Variants in WRNIP1 observed in about 807,000 individuals in gnomAD.
WRNIP1 encodes the protein WRN helicase interacting protein 1, also known as ATPase WRNIP1.
A neutral mutation model predicts 56.1 loss-of-function variants in WRNIP1; 41 were observed. The observed-to-expected ratio is 0.73, with a 90% CI of 0.57 to 0.95. The LOEUF (loss-of-function observed/expected upper bound fraction) is 0.95. Ranked by LOEUF, WRNIP1 falls within the 40% of genes least tolerant of loss-of-function variation. The pLI, the probability that WRNIP1 is intolerant of heterozygous loss-of-function variation, is 0.00. For missense variants in WRNIP1, 1,170 were observed against 939.4 expected (o/e 1.25, Z -3.21); for synonymous variants, 547 against 398.1 (o/e 1.37, Z -4.45).
In WRNIP1 at chr6:2,775,601, TC is replaced by T. The variant is rs552554528; in HGVS notation, c.1257-3660del. Among the ~76,000 whole-genome samples, 3 of 152,348 alleles carry T rather than the reference TC, an allele frequency of 2.0e-5. No homozygotes were observed. The East Asian group carries it at 5.8e-4, about 29-fold the overall frequency. ...CTGCACTCCTTCTCCAACTTACATA[TC>T]CAGCTGTCTAAGTAGTATCCTCCAA... On this transcript the variant is annotated intron_variant, in intron 3 of 6. Coordinates refer to ENST00000380773, the MANE Select transcript of WRNIP1 (RefSeq NM_020135.3).
chr6:2,771,868 C>T (rs1765292219), intron 3 of WRNIP1, among the ~76,000 whole-genome samples: 1 of 152,190 alleles, frequency 6.6e-6, no homozygotes, highest in South Asian at 2.1e-4. Flanking sequence ...TTTCATGTTT[C>T]TGTGTGTTCT....
At chr6:2,769,728 T>C (rs897862797) in intron 2 of WRNIP1, among the ~76,000 whole-genome samples, 6 of 152,210 alleles carry the variant, frequency 3.9e-5, no homozygotes, top group Non-Finnish European at 5.9e-5. Flanking sequence ...AAGAAGATTC[T>C]GGAAGTGTTA....
At chr6:2,773,493 T>C in intron 3 of WRNIP1, 1 of 985,448 alleles carries the variant, frequency 1.0e-6, no homozygotes. Context: ...GTCTACGCCA[T>C]AGTTGCTTTG....
chr6:2,774,291 A>C (rs1765382229), intron 3 of WRNIP1: 9 of 985,330 alleles, frequency 9.1e-6, no homozygotes, highest in Non-Finnish European at 9.6e-6. Flanking sequence ...TGGCTGCTGT[A>C]ACAATTGCCA....
At position 2,783,478 on chromosome 6, in the gene WRNIP1, ACTGG is replaced by A; in HGVS notation, c.1566_1569del (p.Arg524CysfsTer23). 1 of 1,613,648 alleles carries A rather than the reference ACTGG, an allele frequency of 6.2e-7. No homozygotes were observed. The highest frequency in any genetic ancestry group is 8.5e-7 in the Non-Finnish European group (1 of 1,179,860). On this transcript the variant is annotated frameshift_variant, in exon 5 of 7. Coordinates refer to ENST00000380773, the MANE Select transcript of WRNIP1 (RefSeq NM_020135.3). LOFTEE classifies it high-confidence loss of function. ...GGCTCAGACCAGAACGCCTCCCTCT[ACTGG>A]CTGGCTCGCATGCTCGAGGGAGGAG...
intron 3 of WRNIP1, chr6:2,773,298 A>G (rs752753080): frequency 1.0e-6 from 1 of 985,440 alleles, no homozygotes; most frequent in Non-Finnish European, 1.2e-6. Context: ...GAGGGAGCGC[A>G]GTATGATGAA....
intron 4 of WRNIP1, among the ~76,000 whole-genome samples, chr6:2,782,534 C>A (rs138721092): frequency 1.5e-4 from 23 of 152,308 alleles, no homozygotes; most frequent in African/African-American, 5.1e-4. Context: ...TGAGCACAGA[C>A]CAGGTGCTCC....
chr6:2,770,396 C>T (rs760523880), intron 3 of WRNIP1, 35 bp downstream of exon 3: 2 of 1,611,766 alleles, frequency 1.2e-6, no homozygotes, highest in South Asian at 1.1e-5. Context: ...TGGGGGCACA[C>T]ACCTCCCAGA....
chr6:2,773,407 C>T, intron 3 of WRNIP1: 1 of 985,376 alleles, frequency 1.0e-6, no homozygotes, highest in Non-Finnish European at 1.2e-6. Flanking sequence ...CAGTATTTCA[C>T]CTCCTAGATG....
chr6:2,766,080 C>G lies in WRNIP1; in HGVS notation c.458C>G (p.Ser153Cys), dbSNP rs1338497246. ...PAAAAAAGSASPRSWDEAEAQ... is the reference protein window; with the variant it reads ...PAAAAAAGSACPRSWDEAEAQ... ...GCCGCCGCCGCGGCGGGGAGCGCGT[C>G]TCCGCGCAGCTGGGACGAGGCGGAG... Residue 153 changes from serine to cysteine, a missense_variant, in exon 1 of 7, where the codon TCT becomes TGT. Transcript: ENST00000380773. The G allele has an allele frequency of 7.7e-7, 1 of 1,299,662 alleles. No homozygotes were observed. The highest frequency in any genetic ancestry group is 1.5e-5 in the African/African-American group (1 of 64,558). 80.5% of individuals were successfully genotyped at this position (1,299,662 alleles called of 1,614,324 possible). A position where few individuals can be genotyped will look rare whatever the true frequency, so the allele number is the denominator to read the frequency against.
Position 2,766,300 on chromosome 6 carries a change from G to A in WRNIP1, c.678G>A (p.Pro226=), listed in dbSNP as rs1353387030. 1.5e-5 allele frequency: 24 copies of A among 1,607,400 alleles called. No homozygotes were observed. Among genetic ancestry groups the A allele is most frequent in the East Asian group, 9.0e-5 (4 of 44,500 alleles). The change falls in exon 1 of 7, where the codon CCG becomes CCA. Residue 226 remains proline, a synonymous_variant. Coordinates refer to ENST00000380773, the MANE Select transcript of WRNIP1 (RefSeq NM_020135.3). ...TCCGACAGATGCTACAGGGCAAGCC[G>A]CTGGCCGACACGATGCGTCCTGACA... The part of the protein sequence containing the change: ...EEIRQMLQGK[P]LADTMRPDTL...
At chr6:2,781,693 G>A (rs535718203) in intron 4 of WRNIP1, among the ~76,000 whole-genome samples, 8 of 152,292 alleles carry the variant, frequency 5.3e-5, no homozygotes, top group South Asian at 2.1e-4. Context: ...TATAGAAGTC[G>A]TCAGATTTCA....
At chr6:2,779,768 G>C (rs1223693722) in intron 4 of WRNIP1, among the ~76,000 whole-genome samples, 1 of 152,218 alleles carries the variant, frequency 6.6e-6, no homozygotes, top group Non-Finnish European at 1.5e-5. Context: ...AAGGTAGTTG[G>C]CTATTCCCCA....
intron 3 of WRNIP1, chr6:2,773,096 C>G (rs1765347148): frequency 2.0e-6 from 2 of 985,282 alleles, no homozygotes; most frequent in African/African-American, 3.5e-5. Context: ...CTTAGCCGTT[C>G]TTGATTGCAC....
intron 3 of WRNIP1, among the ~76,000 whole-genome samples, chr6:2,777,164 T>C (rs1765451813): frequency 2.0e-5 from 3 of 152,228 alleles, no homozygotes; most frequent in African/African-American, 7.2e-5. Flanking sequence ...TCTTTTTGTT[T>C]TCTCTATACT....
chr6:2,769,985 A>C, intron 2 of WRNIP1, 135 bp from the exon 3 acceptor site: 1 of 1,289,078 alleles, frequency 7.8e-7, no homozygotes, highest in Non-Finnish European at 1.1e-6. Context: ...TATTCAGTGA[A>C]TATAAGGCTG....
chr6:2,783,056 G>T (rs780747696), intron 4 of WRNIP1, among the ~76,000 whole-genome samples: 4 of 139,268 alleles, frequency 2.9e-5, no homozygotes, highest in Admixed American at 7.4e-5. Context: ...TGGGCCACGG[G>T]ATAGAGCCAG....
chr6:2,765,442 G>T lies in WRNIP1; in HGVS notation c.-181G>T, dbSNP rs1045354036. 4.5e-6 allele frequency: 3 copies of T among 666,994 alleles called. No homozygotes were observed. Among genetic ancestry groups the T allele is most frequent in the Non-Finnish European group, 6.2e-6 (3 of 485,394 alleles). The allele number at this position is 666,994 out of a possible 1,614,324, so 41.3% of individuals were successfully genotyped here. A position where few individuals can be genotyped will look rare whatever the true frequency, so the allele number is the denominator to read the frequency against. On this transcript the variant is annotated 5_prime_UTR_variant, in exon 1 of 7. Transcript: ENST00000380773. ...GCGCTGCCAGCGGCCGGCCGAGGGCGGGCGGACGCGGGAGCTGCGGACGTG... is the reference window on the plus strand; with the variant it reads ...GCGCTGCCAGCGGCCGGCCGAGGGCTGGCGGACGCGGGAGCTGCGGACGTG...
intron 4 of WRNIP1, among the ~76,000 whole-genome samples, chr6:2,779,988 T>C (rs1473491910): frequency 6.6e-6 from 1 of 152,232 alleles, no homozygotes; most frequent in Non-Finnish European, 1.5e-5. Flanking sequence ...AGTAGCTTTT[T>C]CAAAAATTTA....
Sources: gnomAD v4.1 joint callset for allele counts (sites outside exome capture counted in the v4.1 genomes callset) on GRCh38, gnomAD v4.1.1 for gene constraint, MANE v1.5 for transcripts, NCBI Gene and HGNC (gene_info 2026-07-23, HGNC 2026-07-21) for gene names.